The following C9 variants were observed in gnomAD, a reference collection of about 807,000 sequenced individuals.
C9 encodes the protein complement component C9.
Under a neutral mutation model 65.4 loss-of-function variants are expected in C9, and 63 were observed. That is an observed-to-expected ratio of 0.96 (90% CI 0.79 to 1.19). The LOEUF is 1.19. C9 is among the 50% of genes most tolerant of loss of function. The pLI is 0.00. For missense variants in C9, 744 were observed against 670.1 expected (o/e 1.11, Z -1.22); for synonymous variants, 229 against 227.9 (o/e 1.00, Z -0.04).
intron 1 of C9, among the ~76,000 whole-genome samples, chr5:39,357,081 A>T (rs544336135): frequency 6.6e-6 from 1 of 152,344 alleles, no homozygotes; most frequent in African/African-American, 2.4e-5. Context: ...AGAGTCATTG[A>T]TATACGCCTG....
intron 5 of C9, among the ~76,000 whole-genome samples, chr5:39,318,943 CCTAA>C (rs1010772909): frequency 8.5e-5 from 13 of 152,222 alleles, no homozygotes; most frequent in South Asian, 2.1e-4. Flanking sequence ...TCAATCTCTC[CCTAA>C]CTGTGTGTCA....
At chr5:39,349,907 T>G (rs1754290001) in intron 1 of C9, among the ~76,000 whole-genome samples, 2 of 152,234 alleles carry the variant, frequency 1.3e-5, no homozygotes, top group African/African-American at 4.8e-5. Context: ...TTTCCTTGGA[T>G]GTCTCTCTCT....
intron 4 of C9, among the ~76,000 whole-genome samples, chr5:39,335,864 T>TGCAGGAGAAATGTGTGGGTAAGA (rs1178116319): frequency 1.3e-5 from 2 of 152,122 alleles, no homozygotes; most frequent in African/African-American, 4.8e-5. Context: ...ATGGGGCTAG[T>TGCAGGAGAAATGTGTGGGTAAGA]GCAGGAGAAA....
At chr5:39,335,052 T>C (rs1163146116) in intron 4 of C9, among the ~76,000 whole-genome samples, 1 of 151,822 alleles carries the variant, frequency 6.6e-6, no homozygotes, top group East Asian at 1.9e-4. Context: ...TGACACAAGC[T>C]CTCCACCAGT....
At position 39,311,339 on chromosome 5, in the gene C9, C is replaced by T. The variant is rs375433408; in HGVS notation, c.909G>A (p.Leu303=). 2 of 1,612,706 alleles carry T rather than the reference C, an allele frequency of 1.2e-6. No homozygotes were observed. Among genetic ancestry groups the T allele is most frequent in the Non-Finnish European group, 1.7e-6 (2 of 1,178,948 alleles). The change falls in exon 7 of 11, where the codon CTG becomes CTA. Residue 303 remains leucine (L), a synonymous_variant. Transcript: ENST00000263408. Reference sequence around the variant, plus strand: ...CGCGATTTCTCATTACAAATCTTCCCAGATGAATTTCTCCTTTCACATGCA... The same window carrying T: ...CGCGATTTCTCATTACAAATCTTCCTAGATGAATTTCTCCTTTCACATGCA... ...MFLHVKGEIH[L]GRFVMRNRDV... is the part of the protein sequence containing the mutation.
At chr5:39,332,647 A>G (rs1414327130) in intron 4 of C9, among the ~76,000 whole-genome samples, 1 of 152,254 alleles carries the variant, frequency 6.6e-6, no homozygotes, top group Non-Finnish European at 1.5e-5. Context: ...AGGGAGGCCA[A>G]TAGGTTTGAG....
chr5:39,341,981 G>T (rs577446948), intron 2 of C9, 110 bp downstream of exon 2: 17 of 776,588 alleles, frequency 2.2e-5, no homozygotes, highest in Middle Eastern at 2.3e-4. Context: ...TCTCTTTCTG[G>T]GTTTGGAACT....
chr5:39,340,890 G>A (rs1754063984), intron 4 of C9, among the ~76,000 whole-genome samples: 1 of 152,154 alleles, frequency 6.6e-6, no homozygotes, highest in Non-Finnish European at 1.5e-5. Context: ...GCTCCACTGA[G>A]AGACAATTAT....
At chr5:39,288,106 T>A (rs945017739) in intron 10 of C9, among the ~76,000 whole-genome samples, 12 of 151,948 alleles carry the variant, frequency 7.9e-5, no homozygotes, top group Admixed American at 5.9e-4. Flanking sequence ...ATCATTTATA[T>A]AAAATTTAAA....
intron 8 of C9, 73 bp downstream of exon 8, chr5:39,308,157 A>T (rs1753413041): frequency 7.5e-7 from 1 of 1,333,302 alleles, no homozygotes; most frequent in Non-Finnish European, 1.1e-6. Context: ...AAGAGGGCTC[A>T]TTGCAAGAGG....
chr5:39,321,787 G>T (rs1753670692), intron 5 of C9, among the ~76,000 whole-genome samples: 2 of 151,910 alleles, frequency 1.3e-5, no homozygotes, highest in African/African-American at 4.8e-5. Context: ...AATAATGAAG[G>T]GGTCAATTTT....
intron 9 of C9, among the ~76,000 whole-genome samples, chr5:39,294,596 C>T (rs1385382874): frequency 2.0e-5 from 3 of 151,696 alleles, no homozygotes; most frequent in Non-Finnish European, 4.4e-5. Flanking sequence ...AAGAAAGGTC[C>T]AGGACCAGAT....
At chr5:39,334,584 G>A (rs571832737) in intron 4 of C9, among the ~76,000 whole-genome samples, 17 of 146,854 alleles carry the variant, frequency 1.2e-4, no homozygotes, top group South Asian at 4.3e-4. Context: ...TCAGCCCCCC[G>A]CCCGGCCAGC....
At chr5:39,309,542 C>T (rs574304691) in intron 7 of C9, among the ~76,000 whole-genome samples, 8 of 152,156 alleles carry the variant, frequency 5.3e-5, no homozygotes, top group South Asian at 2.1e-4. Context: ...ACTAGAAATC[C>T]GTAATTCTAG....
intron 5 of C9, among the ~76,000 whole-genome samples, chr5:39,324,785 A>G (rs1198990702): frequency 6.6e-6 from 1 of 152,242 alleles, no homozygotes; most frequent in East Asian, 1.9e-4. Context: ...CGAGAGACCA[A>G]GGGGCAAGAT....
intron 1 of C9, among the ~76,000 whole-genome samples, chr5:39,348,415 A>G (rs1257847254): frequency 2.6e-5 from 4 of 152,254 alleles, no homozygotes; most frequent in African/African-American, 9.6e-5. Context: ...CAGACACATG[A>G]AAAAATGCTC....
chr5:39,335,526 A>G (rs1489300312), intron 4 of C9, among the ~76,000 whole-genome samples: 1 of 152,240 alleles, frequency 6.6e-6, no homozygotes, highest in Non-Finnish European at 1.5e-5. Flanking sequence ...TAGTATAGCA[A>G]CAATTTATAT....
At chr5:39,296,132 G>A (rs1457860570) in intron 9 of C9, among the ~76,000 whole-genome samples, 3 of 151,584 alleles carry the variant, frequency 2.0e-5, no homozygotes, top group Admixed American at 1.3e-4. Context: ...AAAATTTTCT[G>A]AATAGGATCT....
At chr5:39,312,311 C>T (rs1457610691) in intron 6 of C9, among the ~76,000 whole-genome samples, 1 of 152,082 alleles carries the variant, frequency 6.6e-6, no homozygotes, top group African/African-American at 2.4e-5. Flanking sequence ...TTATACCTCA[C>T]TAAGTTGTTT....
Sources: allele counts gnomAD v4.1 joint callset (sites outside exome capture counted in the v4.1 genomes callset), GRCh38; gene constraint gnomAD v4.1.1; transcripts MANE v1.5; gene names NCBI Gene and HGNC (gene_info 2026-07-23, HGNC 2026-07-21).